Variants in PLCG2 observed in about 807,000 individuals in gnomAD.
PLCG2 encodes 1-phosphatidylinositol 4,5-bisphosphate phosphodiesterase gamma-2.
PLCG2 carries 69 observed loss-of-function variants against 175.6 expected under a neutral mutation model. The observed-to-expected ratio is 0.39, with a 90% confidence interval of 0.32 to 0.48. The LOEUF is 0.48. Among genes scored for constraint, PLCG2 ranks in the 20% least tolerant of loss-of-function variants. PLCG2 has a pLI of 0.91. For synonymous variants in PLCG2, 827 were observed against 624.0 expected, an observed-to-expected ratio of 1.33 and a Z score of -4.85; for missense variants, 1,798 against 1,650.9, an observed-to-expected ratio of 1.09 and a Z score of -1.54.
rs1909052145 is a variant in PLCG2 at position 81,899,545 on chromosome 16, T to G, written c.1194-1067T>G. Among the ~76,000 whole-genome samples the G allele has an allele frequency of 2.6e-5, 4 of 152,232 alleles. No individual in the cohort carries two copies. In the South Asian group the frequency reaches 8.3e-4, roughly 32 times the overall value. On this transcript the variant is annotated intron_variant, in intron 13 of 32. Transcript: ENST00000564138. ...CGATGCACACGTGTTCAGCTGAGGG[T>G]GAGCAAAGCAGCGCTCCCCTTCCTG...
intron 2 of PLCG2, among the ~76,000 whole-genome samples, chr16:81,820,441 G>A (rs767412750): frequency 6.6e-6 from 1 of 152,122 alleles, no homozygotes; most frequent in South Asian, 2.1e-4. Context: ...TTTTGCATTC[G>A]ACTTCTTTTG....
chr16:81,934,390 T>G, intron 25 of PLCG2, 39 bp from the exon 26 acceptor site: 1 of 1,296,788 alleles, frequency 7.7e-7, no homozygotes, highest in Non-Finnish European at 1.1e-6. Flanking sequence ...AGATGGGATT[T>G]CTCGGGGGCG....
chr16:81,747,829 G>A (rs887974876), intron 1 of PLCG2, among the ~76,000 whole-genome samples: 8 of 152,178 alleles, frequency 5.3e-5, no homozygotes, highest in Admixed American at 4.6e-4. Context: ...ATGGACTGGC[G>A]GACTGTTTTA....
At chr16:81,757,576 A>G (rs1363029727) in intron 2 of PLCG2, among the ~76,000 whole-genome samples, 1 of 152,152 alleles carries the variant, frequency 6.6e-6, no homozygotes, top group Non-Finnish European at 1.5e-5. Flanking sequence ...AAAAGAAAAA[A>G]GACAAGAAAA....
chr16:81,921,179 T>C lies in PLCG2; in HGVS notation c.2236-19T>C. On this transcript the variant is annotated intron_variant, in intron 20 of 32. Transcript: ENST00000564138. Reference sequence around the variant, plus strand: ...AGGAGCATGGATTATTCCATTTCTTTCTTTCTTTTTTTTTCCAGGAAAGAG... The same window carrying C: ...AGGAGCATGGATTATTCCATTTCTTCCTTTCTTTTTTTTTCCAGGAAAGAG... The C allele has an allele frequency of 4.8e-6, 7 of 1,455,028 alleles. No individual in the cohort carries two copies. The highest frequency in any genetic ancestry group is 6.8e-6 in the Non-Finnish European group (7 of 1,034,360). The allele number at this position is 1,455,028 out of a possible 1,614,324, so 90.1% of individuals were successfully genotyped here.
rs776770937 is a variant in PLCG2, at chr16:81,928,623, C to A, written c.2580C>A (p.Val860=). 1 of 1,592,664 alleles carries A rather than the reference C, an allele frequency of 6.3e-7. No individual in the cohort carries two copies. Residue 860 remains valine (V), a splice_region_variant and synonymous_variant, in exon 24 of 33, where the codon GTC becomes GTA. Transcript: ENST00000564138. ...TATTGGACCTCAATACCTATAACGT[C>A]GGTACGTGCACACATCATCTTAGCC... The part of the protein sequence containing the change: ...RGILDLNTYN[V]VKAPQGKNQK...
At chr16:81,871,453 C>T (rs1401524766) in intron 7 of PLCG2, among the ~76,000 whole-genome samples, 1 of 152,126 alleles carries the variant, frequency 6.6e-6, no homozygotes, top group Non-Finnish European at 1.5e-5. Flanking sequence ...ATTCTTGTGC[C>T]TTAGCCTCCC....
chr16:81,845,823 A>G (rs1906087158), intron 2 of PLCG2, among the ~76,000 whole-genome samples: 1 of 152,196 alleles, frequency 6.6e-6, no homozygotes, highest in Non-Finnish European at 1.5e-5. Context: ...TGAATACCAG[A>G]TAGAAAACCC....
chr16:81,948,900 T>G (rs554473327), intron 31 of PLCG2, among the ~76,000 whole-genome samples: 1 of 152,204 alleles, frequency 6.6e-6, no homozygotes, highest in African/African-American at 2.4e-5. Flanking sequence ...TGGCTGGCAG[T>G]TGAAACTGAG....
intron 14 of PLCG2, among the ~76,000 whole-genome samples, chr16:81,904,412 G>A (rs186366823): frequency 2.1e-4 from 32 of 152,304 alleles, no homozygotes; most frequent in African/African-American, 7.2e-4. Flanking sequence ...ACAGACGCTT[G>A]CCTGCGTGGG....
chr16:81,771,926 G>A (rs930127216), intron 2 of PLCG2, among the ~76,000 whole-genome samples: 1 of 152,114 alleles, frequency 6.6e-6, no homozygotes, highest in Non-Finnish European at 1.5e-5. Context: ...TGGGACTACA[G>A]GCTGTGCCTC....
intron 2 of PLCG2, among the ~76,000 whole-genome samples, chr16:81,799,911 A>G (rs1911647444): frequency 6.6e-6 from 1 of 152,134 alleles, no homozygotes; most frequent in Non-Finnish European, 1.5e-5. Flanking sequence ...ACTATTTTAA[A>G]TGTCGATGTT....
chr16:81,889,636 T>C (rs1908538323), intron 10 of PLCG2, among the ~76,000 whole-genome samples: 1 of 151,978 alleles, frequency 6.6e-6, no homozygotes, highest in Non-Finnish European at 1.5e-5. Flanking sequence ...GTTTCGTTTT[T>C]TTATGTTTTT....
At chr16:81,779,801 G>A (rs1910648434) in intron 1 of PLCG2, among the ~76,000 whole-genome samples, 1 of 152,178 alleles carries the variant, frequency 6.6e-6, no homozygotes, top group Non-Finnish European at 1.5e-5. Flanking sequence ...CGGCCCTTGT[G>A]CCCAGAGCTC....
chr16:81,903,852 C>A (rs4494532), intron 14 of PLCG2, among the ~76,000 whole-genome samples: 123,192 of 152,084 alleles, frequency 0.81, 51,986 homozygotes, highest in East Asian at 0.97. Flanking sequence ...TTTAGAGCAC[C>A]CTCTGCCCCA....
chr16:81,906,702 G>C (rs1168050509), intron 15 of PLCG2, among the ~76,000 whole-genome samples: 3 of 152,216 alleles, frequency 2.0e-5, no homozygotes, highest in Admixed American at 2.0e-4. Context: ...AGGATTACTG[G>C]CGTGGGCCAC....
chr16:81,874,953 T>TTTGTTCTTTTGTTC (rs779252843), intron 7 of PLCG2, among the ~76,000 whole-genome samples: 1 of 122,892 alleles, frequency 8.1e-6, no homozygotes, highest in Non-Finnish European at 1.7e-5. Context: ...TATGTGTTTT[T>TTTGTTCTTTTGTTC]TTTTTTTTTT....
intron 26 of PLCG2, 37 bp downstream of exon 26, chr16:81,934,568 A>G (rs780937606): frequency 6.6e-6 from 8 of 1,217,962 alleles, no homozygotes; most frequent in African/African-American, 4.5e-5. Flanking sequence ...TATAACTCCA[A>G]TGAAAACTTA....
At chr16:81,771,404 C>A (rs1188530166) in intron 2 of PLCG2, among the ~76,000 whole-genome samples, 1 of 152,270 alleles carries the variant, frequency 6.6e-6, no homozygotes, top group Middle Eastern at 3.4e-3. Context: ...TTTTGTGAAA[C>A]ACAGCCTTGT....
Sources: gnomAD v4.1 joint callset for allele counts (sites outside exome capture counted in the v4.1 genomes callset) on GRCh38, gnomAD v4.1.1 for gene constraint, MANE v1.5 for transcripts, NCBI Gene and HGNC (gene_info 2026-07-23, HGNC 2026-07-21) for gene names.